The following CAMKMT variants were observed in gnomAD, a reference collection of about 807,000 sequenced individuals.
CAMKMT encodes the protein CaM KMT.
In CAMKMT, 53 loss-of-function variants were observed where a neutral mutation model predicts 48.0. The ratio of observed to expected loss-of-function variants is 1.10; its 90% confidence interval spans 0.89 to 1.39. The LOEUF (loss-of-function observed/expected upper bound fraction) is 1.39, where lower values mean the gene tolerates loss of function less well. CAMKMT is among the 40% of genes most tolerant of loss of function. The pLI is 0.00. For missense variants in CAMKMT, 428 were observed against 402.7 expected (o/e 1.06, Z -0.54); for synonymous variants, 165 against 152.3 (o/e 1.08, Z -0.61).
intron 3 of CAMKMT, among the ~76,000 whole-genome samples, chr2:44,614,381 G>A (rs986364529): frequency 1.3e-5 from 2 of 152,200 alleles, no homozygotes; most frequent in African/African-American, 4.8e-5. Flanking sequence ...TAATGATACT[G>A]TGACTGGGGA....
intron 2 of CAMKMT, among the ~76,000 whole-genome samples, chr2:44,389,951 G>T (rs1194362683): frequency 3.9e-5 from 6 of 152,098 alleles, no homozygotes; most frequent in South Asian, 4.1e-4. Context: ...CTTTAAAAAG[G>T]TTAAGAACTT....
Position 44,455,304 on chromosome 2 carries a change from G to C in CAMKMT, c.376+64999G>C, listed in dbSNP as rs188196097. On this transcript the variant is annotated intron_variant, in intron 3 of 10. Coordinates refer to ENST00000378494, the MANE Select transcript of CAMKMT (RefSeq NM_024766.5). ...GGGCAGGATGAAAGAAGTCACCAGC[G>C]ATTCCAGTGGATGCTTTCTGTGTTA... is the stretch of plus-strand genomic sequence containing the variant. Among the ~76,000 whole-genome samples, 4 of 152,178 alleles carry C rather than the reference G, an allele frequency of 2.6e-5. No homozygotes were observed. The East Asian group carries it at 7.7e-4, about 29-fold the overall frequency.
At chr2:44,574,046 A>G (rs1056196240) in intron 3 of CAMKMT, among the ~76,000 whole-genome samples, 2 of 152,194 alleles carry the variant, frequency 1.3e-5, no homozygotes, top group East Asian at 1.9e-4. Context: ...TTGAATCTAC[A>G]TATTGGATTT....
chr2:44,532,133 C>T (rs1666518004), intron 3 of CAMKMT, among the ~76,000 whole-genome samples: 1 of 152,152 alleles, frequency 6.6e-6, no homozygotes, highest in Admixed American at 6.5e-5. Context: ...TTTTAATCAA[C>T]ATTTTAATCT....
intron 3 of CAMKMT, among the ~76,000 whole-genome samples, chr2:44,579,948 T>TG (rs1220598901): frequency 6.6e-6 from 1 of 152,210 alleles, no homozygotes; most frequent in African/African-American, 2.4e-5. Context: ...GTTTTCTATA[T>TG]GAGCAAGCAT....
intron 3 of CAMKMT, among the ~76,000 whole-genome samples, chr2:44,462,289 T>G (rs7562956): frequency 0.026 from 3,950 of 152,288 alleles, 169 homozygotes; most frequent in African/African-American, 0.089. Context: ...TTACATGTAT[T>G]AATTCTCAGT....
chr2:44,501,717 A>G (rs970028696), intron 3 of CAMKMT, among the ~76,000 whole-genome samples: 1 of 152,068 alleles, frequency 6.6e-6, no homozygotes, highest in East Asian at 1.9e-4. Flanking sequence ...TTAGGATGTA[A>G]CATTAGAAAA....
chr2:44,631,617 C>A lies in CAMKMT; in HGVS notation c.377-72666C>A, dbSNP rs79430367. ...CTCCCAGCTGTGTATGCATTTCTTG[C>A]GGACAGTTGTATAGTTGGGTCTTGG... On this transcript the variant is annotated intron_variant, in intron 3 of 10. Coordinates refer to ENST00000378494, the MANE Select transcript of CAMKMT (RefSeq NM_024766.5). 5.7e-3 allele frequency: 2,825 copies of A among 494,148 alleles called. 62 individuals carry two copies. The highest frequency in any genetic ancestry group is 0.051 in the African/African-American group (2,544 of 49,622). The allele number at this position is 494,148 out of a possible 1,614,324, so 30.6% of individuals were successfully genotyped here. A position where few individuals can be genotyped will look rare whatever the true frequency, so the allele number is the denominator to read the frequency against.
Position 44,408,025 on chromosome 2 carries a change from C to CT in CAMKMT, c.376+17739dup, listed in dbSNP as rs58443811. 3.8e-3 allele frequency among the ~76,000 whole-genome samples: 395 copies of CT among 105,222 alleles called. 9 individuals are homozygous for CT. The highest frequency in any genetic ancestry group is 0.02 in the Middle Eastern group (4 of 198). 69.0% of individuals were successfully genotyped at this position (105,222 alleles called of 152,430 possible). A position where few individuals can be genotyped will look rare whatever the true frequency, so the allele number is the denominator to read the frequency against. On this transcript the variant is annotated intron_variant, in intron 3 of 10. Transcript: ENST00000378494. ...GGCAGAAGACAACAGTAGAGCATGT[C>CT]TTTTTTTTTTTTTTTTTTTGAGATG... is the stretch of plus-strand genomic sequence containing the variant.
chr2:44,609,310 G>A (rs1255616077), intron 3 of CAMKMT, among the ~76,000 whole-genome samples: 1 of 152,186 alleles, frequency 6.6e-6, no homozygotes, highest in African/African-American at 2.4e-5. Flanking sequence ...ATAGTTAATG[G>A]TGATATATTG....
rs2276589 is a variant in CAMKMT, at chr2:44,706,471, G to C, written c.492+130G>C. On this transcript the variant is annotated intron_variant, in intron 5 of 10. Transcript: ENST00000378494. ...GCGGTCAAGCTGCCGGGTCTTGAGAGACCTTCTAGATTGACTTACTTTCGG... is the reference window on the plus strand; with the variant it reads ...GCGGTCAAGCTGCCGGGTCTTGAGACACCTTCTAGATTGACTTACTTTCGG... 3.7e-6 allele frequency: 3 copies of C among 803,998 alleles called. No individual in the cohort carries two copies. In the East Asian group the frequency reaches 7.5e-5, roughly 20 times the overall value. 49.8% of individuals were successfully genotyped at this position (803,998 alleles called of 1,614,324 possible). A position where few individuals can be genotyped will look rare whatever the true frequency, so the allele number is the denominator to read the frequency against.
intron 3 of CAMKMT, among the ~76,000 whole-genome samples, chr2:44,692,456 A>G (rs1428238246): frequency 2.0e-5 from 3 of 152,146 alleles, no homozygotes; most frequent in Middle Eastern, 3.2e-3. Context: ...TTTCGTTAAC[A>G]TGTTTTATTT....
At chr2:44,600,425 C>T (rs972042173) in intron 3 of CAMKMT, among the ~76,000 whole-genome samples, 1 of 151,918 alleles carries the variant, frequency 6.6e-6, no homozygotes, top group African/African-American at 2.4e-5. Context: ...CACCAGCACA[C>T]CCAGCTAATT....
At chr2:44,755,541 A>G (rs1429164891) in intron 9 of CAMKMT, among the ~76,000 whole-genome samples, 1 of 152,142 alleles carries the variant, frequency 6.6e-6, no homozygotes, top group African/African-American at 2.4e-5. Flanking sequence ...TACTTCACTC[A>G]TCACCAATAC....
At position 44,602,543 on chromosome 2, in the gene CAMKMT, A is replaced by G. The variant is rs182065074; in HGVS notation, c.377-101740A>G. The stretch of plus-strand genomic sequence containing the variant: ...TCACACTGCTCTAAAGAACTACCTG[A>G]GACTGGGTAATTTATGAAGAAAAGA... On this transcript the variant is annotated intron_variant, in intron 3 of 10. Transcript: ENST00000378494. 5.0e-3 allele frequency among the ~76,000 whole-genome samples: 755 copies of G among 152,186 alleles called. 14 individuals carry two copies. Among genetic ancestry groups the G allele is most frequent in the African/African-American group, 0.018 (727 of 41,454 alleles).
intron 3 of CAMKMT, among the ~76,000 whole-genome samples, chr2:44,633,044 T>C (rs1187075231): frequency 6.6e-6 from 1 of 152,176 alleles, no homozygotes; most frequent in Admixed American, 6.6e-5. Context: ...ACAAGTACAA[T>C]TTTATTAACT....
intron 3 of CAMKMT, among the ~76,000 whole-genome samples, chr2:44,684,715 C>T (rs1056690277): frequency 3.3e-5 from 5 of 152,086 alleles, no homozygotes; most frequent in African/African-American, 1.2e-4. Flanking sequence ...ATGTTGCTGG[C>T]CTGGAAACTG....
At chr2:44,678,899 C>G (rs1490788098) in intron 3 of CAMKMT, among the ~76,000 whole-genome samples, 1 of 152,138 alleles carries the variant, frequency 6.6e-6, no homozygotes, top group Admixed American at 6.5e-5. Flanking sequence ...TATCTTGGCC[C>G]AAATCCTATT....
At chr2:44,597,798 G>C (rs1670749755) in intron 3 of CAMKMT, among the ~76,000 whole-genome samples, 1 of 152,066 alleles carries the variant, frequency 6.6e-6, no homozygotes, top group South Asian at 2.1e-4. Context: ...GTGCAGTGGT[G>C]CGATCTCAGC....
Sources: gnomAD v4.1 joint callset for allele counts (sites outside exome capture counted in the v4.1 genomes callset) on GRCh38, gnomAD v4.1.1 for gene constraint, MANE v1.5 for transcripts, NCBI Gene and HGNC (gene_info 2026-07-23, HGNC 2026-07-21) for gene names.